Variants in CDCA2 observed in about 807,000 individuals in gnomAD.
CDCA2 encodes cell division cycle associated 2, also known as cell division cycle-associated protein 2.
Under a neutral mutation model 67.0 loss-of-function variants are expected in CDCA2, and 44 were observed. The observed-to-expected ratio is 0.66, with a 90% confidence interval of 0.52 to 0.84. The LOEUF (loss-of-function observed/expected upper bound fraction) is 0.84. Ranked by LOEUF, CDCA2 falls within the 40% of genes least tolerant of loss-of-function variation. The probability of loss-of-function intolerance (pLI) is 0.00; values close to 1 mark genes in which losing one functional copy is unlikely to be tolerated. For synonymous variants in CDCA2, 447 were observed against 418.7 expected, an observed-to-expected ratio of 1.07 and a Z score of -0.82; for missense variants, 1,253 against 1,203.2, an observed-to-expected ratio of 1.04 and a Z score of -0.61.
chr8:25,503,325 ATG>A (rs780616149), intron 13 of CDCA2, 46 bp from the exon 14 acceptor site: 3 of 1,421,014 alleles, frequency 2.1e-6, no homozygotes, highest in Non-Finnish European at 3.0e-6. Context: ...AAAATTTTAC[ATG>A]GTGCTACATC....
At chr8:25,496,509 A>G (rs1804228964) in intron 13 of CDCA2, among the ~76,000 whole-genome samples, 1 of 152,206 alleles carries the variant, frequency 6.6e-6, no homozygotes, top group African/African-American at 2.4e-5. Flanking sequence ...GAAACACCGT[A>G]TAGAATGGGA....
In CDCA2 at chr8:25,487,232, G is replaced by A; in HGVS notation, c.1445-14G>A. ...GGTTTCCTACCCTGATTTAGCTTTT[G>A]TCTTGTTTATCAGGCACTGATACCT... On this transcript the variant is annotated splice_polypyrimidine_tract_variant and intron_variant, in intron 11 of 14. Transcript: ENST00000330560. The A allele has an allele frequency of 6.3e-7, 1 of 1,580,518 alleles. No homozygotes were observed. The highest frequency in any genetic ancestry group is 8.7e-7 in the Non-Finnish European group (1 of 1,150,854).
In CDCA2 at chr8:25,507,112, A is replaced by C; in HGVS notation, c.2446A>C (p.Met816Leu). 1.2e-6 allele frequency: 2 copies of C among 1,614,218 alleles called. No individual in the cohort carries two copies. The highest frequency in any genetic ancestry group is 1.7e-6 in the Non-Finnish European group (2 of 1,180,048). Residue 816 changes from methionine (M) to leucine (L), a missense_variant, in exon 15 of 15, where the codon ATG becomes CTG. Met to Leu is a conservative substitution (Grantham distance 15, BLOSUM62 2). Coordinates refer to ENST00000330560, the MANE Select transcript of CDCA2 (RefSeq NM_152562.4). Reference sequence around the variant, plus strand: ...GAGTGAGGATTTGGGAAGAAAACCCATGGAAAGTAGCAGTGTTGTGAGTTG... The same window carrying C: ...GAGTGAGGATTTGGGAAGAAAACCCCTGGAAAGTAGCAGTGTTGTGAGTTG... Reference protein sequence around the residue: ...SQSEDLGRKPMESSSVVSCRD... With the variant: ...SQSEDLGRKPLESSSVVSCRD...
Position 25,507,809 on chromosome 8 carries a change from CCAT to C in CDCA2, c.*72_*74del. The C allele has an allele frequency of 1.4e-6, 2 of 1,463,192 alleles. No individual in the cohort carries two copies. The highest frequency in any genetic ancestry group is 1.5e-5 in the South Asian group (1 of 67,648). The allele number at this position is 1,463,192 out of a possible 1,614,324, so 90.6% of individuals were successfully genotyped here. On this transcript the variant is annotated 3_prime_UTR_variant, in exon 15 of 15. Coordinates refer to ENST00000330560, the MANE Select transcript of CDCA2 (RefSeq NM_152562.4). ...TATGCTGAAATGATCTGTCTAGTTC[CCAT>C]TCTCTGTTCAACCTCAGTGTTTCAA...
At chr8:25,504,639 G>A (rs1017747463) in intron 14 of CDCA2, among the ~76,000 whole-genome samples, 4 of 152,118 alleles carry the variant, frequency 2.6e-5, no homozygotes, top group African/African-American at 4.8e-5. Flanking sequence ...GATAGCACAG[G>A]AGTTTAAATA....
chr8:25,494,076 A>G (rs1040880664), intron 13 of CDCA2, among the ~76,000 whole-genome samples: 4 of 152,210 alleles, frequency 2.6e-5, no homozygotes, highest in Non-Finnish European at 5.9e-5. Flanking sequence ...AGTTGTGAAG[A>G]GAACTTCCAT....
chr8:25,500,060 C>A (rs773914515), intron 13 of CDCA2, among the ~76,000 whole-genome samples: 1 of 152,140 alleles, frequency 6.6e-6, no homozygotes, highest in African/African-American at 2.4e-5. Flanking sequence ...TAATATACTT[C>A]TCTTGGCCCA....
chr8:25,460,593 T>C, intron 3 of CDCA2, 39 bp downstream of exon 3: 2 of 1,573,000 alleles, frequency 1.3e-6, no homozygotes, highest in African/African-American at 1.4e-5. Context: ...GCTTTTCAAG[T>C]TTAAAAATAA....
At chr8:25,491,255 A>G (rs749786836) in intron 13 of CDCA2, among the ~76,000 whole-genome samples, 2 of 152,182 alleles carry the variant, frequency 1.3e-5, no homozygotes, top group Non-Finnish European at 2.9e-5. Context: ...AGTCATCCAA[A>G]TAAAAGAAGA....
chr8:25,488,572 A>G lies in CDCA2; in HGVS notation c.1554A>G (p.Glu518=), dbSNP rs140820459. 1.2e-5 allele frequency: 20 copies of G among 1,611,042 alleles called. No individual in the cohort carries two copies. The African/African-American group carries it at 2.5e-4, about 20-fold the overall frequency. Residue 518 remains glutamate, a synonymous_variant, in exon 13 of 15, where the codon GAA becomes GAG. Coordinates refer to ENST00000330560, the MANE Select transcript of CDCA2 (RefSeq NM_152562.4). ...TATAGCAATTGGTCAGTGTTGTAGA[A>G]GAGAGTGTTTGCAACTTATTGAATA... ...NRRNQLVSVV[E]ESVCNLLNTE...
rs59618544 is a variant in CDCA2 at position 25,467,041 on chromosome 8, C to CAAAAAAA, written c.538+735_538+741dup. Reference sequence around the variant, plus strand: ...TGGGCGAAGAAGTGAGAGTCCCTTTCAAAAAAAAAAAAAAAAAAAAAAAAA... The same window carrying CAAAAAAA: ...TGGGCGAAGAAGTGAGAGTCCCTTTCAAAAAAAAAAAAAAAAAAAAAAAAAAAAAAAA... On this transcript the variant is annotated intron_variant, in intron 5 of 14. Transcript: ENST00000330560. Among the ~76,000 whole-genome samples, 83 of 49,152 alleles carry CAAAAAAA rather than the reference C, an allele frequency of 1.7e-3. 12 individuals carry two copies. The highest frequency in any genetic ancestry group is 2.1e-3 in the Non-Finnish European group (66 of 31,188). 32.2% of individuals were successfully genotyped at this position (49,152 alleles called of 152,430 possible). A position where few individuals can be genotyped will look rare whatever the true frequency, so the allele number is the denominator to read the frequency against.
chr8:25,472,570 C>T (rs190647399), intron 7 of CDCA2, among the ~76,000 whole-genome samples: 4 of 152,284 alleles, frequency 2.6e-5, no homozygotes, highest in Admixed American at 1.3e-4. Flanking sequence ...TCTTAATCCA[C>T]ACACTTTCAC....
At chr8:25,478,337 G>A (rs891874116) in intron 7 of CDCA2, among the ~76,000 whole-genome samples, 3 of 152,102 alleles carry the variant, frequency 2.0e-5, no homozygotes, top group African/African-American at 7.2e-5. Flanking sequence ...ATTCCTATCA[G>A]TGTGGTCCAG....
At chr8:25,490,973 A>C (rs1291985186) in intron 13 of CDCA2, among the ~76,000 whole-genome samples, 1 of 152,222 alleles carries the variant, frequency 6.6e-6, no homozygotes, top group Non-Finnish European at 1.5e-5. Flanking sequence ...ATAAGGTTAA[A>C]AACTGACTTC....
Position 25,468,379 on chromosome 8 carries a change from C to T in CDCA2, c.701C>T (p.Ala234Val). Residue 234 changes from alanine (A) to valine (V), a missense_variant, in exon 6 of 15, where the codon GCA (alanine) becomes GTA (valine). Physicochemically the swap from Ala to Val is moderately conservative, Grantham distance 64. Coordinates refer to ENST00000330560, the MANE Select transcript of CDCA2 (RefSeq NM_152562.4). ...ATATTCAATATTGATACAGACAGAG[C>T]ATGTGCAGTTGAAACTTCTGTAGAT... ...LQIFNIDTDR[A>V]CAVETSVDLS... 1.9e-6 allele frequency: 3 copies of T among 1,612,310 alleles called. No individual in the cohort carries two copies. Among genetic ancestry groups the T allele is most frequent in the Non-Finnish European group, 2.5e-6 (3 of 1,179,206 alleles).
intron 13 of CDCA2, among the ~76,000 whole-genome samples, chr8:25,500,429 A>G (rs1432792954): frequency 6.6e-6 from 1 of 152,200 alleles, no homozygotes; most frequent in East Asian, 1.9e-4. Context: ...CATTAGCTTG[A>G]TTTAATCATT....
chr8:25,473,373 G>A (rs937583480), intron 7 of CDCA2, among the ~76,000 whole-genome samples: 2 of 152,108 alleles, frequency 1.3e-5, no homozygotes, highest in Admixed American at 1.3e-4. Flanking sequence ...GTGATATTGT[G>A]TTAATTTTAT....
intron 7 of CDCA2, among the ~76,000 whole-genome samples, chr8:25,478,122 A>G (rs1159168121): frequency 6.6e-6 from 1 of 151,260 alleles, no homozygotes; most frequent in East Asian, 1.9e-4. Flanking sequence ...ACAGGATCCT[A>G]CTATGTTGCC....
In CDCA2 at chr8:25,483,674, G is replaced by C. The variant is rs1046452637; in HGVS notation, c.1120+188G>C. On this transcript the variant is annotated intron_variant, in intron 9 of 14. Coordinates refer to ENST00000330560, the MANE Select transcript of CDCA2 (RefSeq NM_152562.4). ...TCAGAATTGGTCTGTCCATTTCATG[G>C]ATCCATTTTTACTTAGTGGTGGTAT... is the stretch of plus-strand genomic sequence containing the variant. Among the ~76,000 whole-genome samples the C allele has an allele frequency of 2.4e-4, 36 of 152,134 alleles. 1 individual carries two copies. The highest frequency in any genetic ancestry group is 8.8e-5 in the Non-Finnish European group (6 of 68,020).
Sources: gnomAD v4.1 joint callset for allele counts (sites outside exome capture counted in the v4.1 genomes callset) on GRCh38, gnomAD v4.1.1 for gene constraint, MANE v1.5 for transcripts, NCBI Gene and HGNC (gene_info 2026-07-23, HGNC 2026-07-21) for gene names.